Variants in ROBO2 observed in about 807,000 individuals in gnomAD.
ROBO2 encodes roundabout guidance receptor 2, also known as roundabout homolog 2.
A neutral mutation model predicts 160.8 loss-of-function variants in ROBO2; 53 were observed. The ratio of observed to expected loss-of-function variants is 0.33; its 90% CI spans 0.26 to 0.41. The LOEUF is 0.41. ROBO2 is among the 10% of genes least tolerant of loss of function. The pLI is 1.00. For missense variants in ROBO2, 1,577 were observed against 1,722.4 expected (o/e 0.92, Z 1.49); for synonymous variants, 664 against 611.7 (o/e 1.09, Z -1.26).
At chr3:75,922,231 C>T (rs1947090021) in intron 1 of ROBO2, among the ~76,000 whole-genome samples, 1 of 152,088 alleles carries the variant, frequency 6.6e-6, no homozygotes, top group Non-Finnish European at 1.5e-5. Flanking sequence ...TATACTATGT[C>T]ATTCATAAAT....
At chr3:76,717,553 G>T (rs568666444) in intron 2 of ROBO2, among the ~76,000 whole-genome samples, 1 of 152,128 alleles carries the variant, frequency 6.6e-6, no homozygotes, top group Non-Finnish European at 1.5e-5. Context: ...TGTGGAGAGT[G>T]TAAATGTGAG....
At chr3:76,349,892 A>T (rs1048370942) in intron 2 of ROBO2, among the ~76,000 whole-genome samples, 10 of 152,106 alleles carry the variant, frequency 6.6e-5, no homozygotes, top group Non-Finnish European at 1.3e-4. Context: ...TACACTGGAC[A>T]ATAAGCATGC....
intron 2 of ROBO2, among the ~76,000 whole-genome samples, chr3:76,660,514 A>C (rs1314696183): frequency 1.3e-5 from 2 of 152,144 alleles, no homozygotes; most frequent in Non-Finnish European, 2.9e-5. Flanking sequence ...CCACGTGTAG[A>C]GCCCCAGTGG....
chr3:76,960,676 G>A (rs982020224), intron 2 of ROBO2, among the ~76,000 whole-genome samples: 6 of 152,050 alleles, frequency 3.9e-5, no homozygotes, highest in Non-Finnish European at 7.4e-5. Context: ...TAGAATGTGT[G>A]AATAGCTCTC....
intron 2 of ROBO2, among the ~76,000 whole-genome samples, chr3:76,029,401 A>G (rs1170842236): frequency 6.6e-6 from 1 of 152,110 alleles, no homozygotes; most frequent in East Asian, 1.9e-4. Flanking sequence ...GTTCTAGGGT[A>G]CATGTGCACA....
At chr3:76,037,688 C>G (rs1275187736) in intron 2 of ROBO2, among the ~76,000 whole-genome samples, 4 of 151,846 alleles carry the variant, frequency 2.6e-5, no homozygotes, top group Admixed American at 2.0e-4. Flanking sequence ...TGTTCCCCTG[C>G]CCCCTTGAAA....
At chr3:76,311,662 G>T (rs1302412451) in intron 2 of ROBO2, among the ~76,000 whole-genome samples, 2 of 152,328 alleles carry the variant, frequency 1.3e-5, no homozygotes, top group African/African-American at 4.8e-5. Context: ...CCAGCAGGGA[G>T]ACTGTAAGAG....
chr3:77,284,868 T>G (rs2060477702), intron 2 of ROBO2, among the ~76,000 whole-genome samples: 1 of 152,158 alleles, frequency 6.6e-6, no homozygotes, highest in Admixed American at 6.6e-5. Context: ...AAATCAAAGG[T>G]TTCACTGCCT....
chr3:77,392,317 C>G (rs553918732), intron 2 of ROBO2, among the ~76,000 whole-genome samples: 10 of 152,064 alleles, frequency 6.6e-5, no homozygotes, highest in Non-Finnish European at 1.3e-4. Context: ...TTTCTGTCAC[C>G]CTTGACAAAT....
At chr3:77,358,491 G>A (rs1263587286) in intron 2 of ROBO2, among the ~76,000 whole-genome samples, 2 of 152,132 alleles carry the variant, frequency 1.3e-5, no homozygotes, top group Non-Finnish European at 2.9e-5. Flanking sequence ...GTCTTTCTGT[G>A]GGACACAATT....
At chr3:77,572,938 A>C (rs1276249037) in intron 13 of ROBO2, among the ~76,000 whole-genome samples, 1 of 152,074 alleles carries the variant, frequency 6.6e-6, no homozygotes, top group Admixed American at 6.6e-5. Flanking sequence ...TCAAATGCTG[A>C]ACAAATTTCA....
chr3:76,959,216 T>C (rs536645558), intron 2 of ROBO2, among the ~76,000 whole-genome samples: 2 of 152,326 alleles, frequency 1.3e-5, no homozygotes, highest in Non-Finnish European at 2.9e-5. Context: ...CTAAGCATTA[T>C]GTCAACATCA....
At chr3:76,490,894 T>G (rs1362728810) in intron 2 of ROBO2, among the ~76,000 whole-genome samples, 2 of 151,746 alleles carry the variant, frequency 1.3e-5, no homozygotes, top group African/African-American at 4.8e-5. Context: ...ATAGAACAAC[T>G]CCCCTAAATA....
At chr3:76,223,205 C>A (rs770486199) in intron 2 of ROBO2, among the ~76,000 whole-genome samples, 5 of 151,828 alleles carry the variant, frequency 3.3e-5, no homozygotes, top group Non-Finnish European at 7.4e-5. Flanking sequence ...CCTGCTAGAA[C>A]TGAAGTCTAG....
intron 2 of ROBO2, among the ~76,000 whole-genome samples, chr3:76,942,911 A>C: frequency 6.6e-6 from 1 of 152,182 alleles, no homozygotes; most frequent in East Asian, 1.9e-4. Context: ...TTATTAACTT[A>C]TGTTGAGCAC....
At chr3:77,036,346 T>TTA (rs2063635715), upstream of ROBO2, among the ~76,000 whole-genome samples, 1 of 152,032 alleles carries the variant, frequency 6.6e-6, no homozygotes, top group Admixed American at 6.5e-5. Context: ...CCTTTGATTT[T>TTA]TATATATATG....
At chr3:77,632,408 T>C (rs1205293013) in intron 23 of ROBO2, 5 of 1,189,122 alleles carry the variant, frequency 4.2e-6, no homozygotes, top group Non-Finnish European at 5.7e-6. Context: ...CTCATTAGTA[T>C]AGTGTGTACA....
chr3:77,448,284 G>T (rs1312634384), intron 2 of ROBO2, among the ~76,000 whole-genome samples: 1 of 152,070 alleles, frequency 6.6e-6, no homozygotes, highest in East Asian at 1.9e-4. Context: ...ACTATGAGGG[G>T]AGAGTAGCCC....
In ROBO2 at chr3:76,839,972, C is replaced by T. The variant is rs1018466455; in HGVS notation, c.110-258042C>T. On this transcript the variant is annotated intron_variant, in intron 2 of 26. Coordinates refer to the ROBO2 transcript ENST00000487694. Reference sequence around the variant, plus strand: ...TTCACATATAGTTGCTCATAGGTACCTCTACTAATCCTTTAAATTCCTGCT... The same window carrying T: ...TTCACATATAGTTGCTCATAGGTACTTCTACTAATCCTTTAAATTCCTGCT... Among the ~76,000 whole-genome samples, 7 of 152,200 alleles carry T rather than the reference C, an allele frequency of 4.6e-5. No individual in the cohort carries two copies. The East Asian group carries it at 1.2e-3, about 25-fold the overall frequency.
Sources: gnomAD v4.1 joint callset for allele counts (sites outside exome capture counted in the v4.1 genomes callset) on GRCh38, gnomAD v4.1.1 for gene constraint, MANE v1.5 for transcripts, NCBI Gene and HGNC (gene_info 2026-07-23, HGNC 2026-07-21) for gene names.